Variants in ITCH observed in about 807,000 individuals in gnomAD.
The protein encoded by ITCH is E3 ubiquitin-protein ligase Itchy homolog.
ITCH carries 28 observed loss-of-function variants against 126.8 expected under a neutral mutation model. The observed-to-expected ratio is 0.22, with a 90% CI of 0.16 to 0.30. ITCH has a LOEUF of 0.30. Ranked by LOEUF, ITCH falls within the 10% of genes least tolerant of loss-of-function variation. The pLI is 1.00. For missense variants in ITCH, 631 were observed against 1,032.4 expected (o/e 0.61, Z 5.33); for synonymous variants, 342 against 340.0 (o/e 1.01, Z -0.06).
chr20:34,497,921 T>G (rs1989994896), intron 23 of ITCH, among the ~76,000 whole-genome samples: 1 of 152,238 alleles, frequency 6.6e-6, no homozygotes, highest in Non-Finnish European at 1.5e-5. Context: ...CTGTAGAAAT[T>G]TTTAATAGTA....
At chr20:34,476,954 G>T (rs1362283638) in intron 16 of ITCH, among the ~76,000 whole-genome samples, 1 of 149,878 alleles carries the variant, frequency 6.7e-6, no homozygotes, top group Non-Finnish European at 1.5e-5. Context: ...ATATGAAGAT[G>T]ATCCTATTAA....
intron 2 of ITCH, among the ~76,000 whole-genome samples, chr20:34,379,223 T>C (rs1254196863): frequency 6.6e-6 from 1 of 152,142 alleles, no homozygotes; most frequent in Non-Finnish European, 1.5e-5. Flanking sequence ...ATGGGGTGTG[T>C]TCATTCTGCC....
intron 14 of ITCH, among the ~76,000 whole-genome samples, chr20:34,469,501 G>GC (rs1987415464): frequency 6.6e-6 from 1 of 151,940 alleles, no homozygotes; most frequent in Non-Finnish European, 1.5e-5. Flanking sequence ...TGTTGGTCAG[G>GC]CTGGTCTCAA....
chr20:34,368,086 T>C (rs1480323807), intron 1 of ITCH, among the ~76,000 whole-genome samples: 2 of 152,136 alleles, frequency 1.3e-5, no homozygotes, highest in African/African-American at 4.8e-5. Context: ...CTGGCCAACG[T>C]GGTGAAACCC....
At chr20:34,483,093 A>C (rs1276576741) in intron 20 of ITCH, among the ~76,000 whole-genome samples, 1 of 152,170 alleles carries the variant, frequency 6.6e-6, no homozygotes, top group African/African-American at 2.4e-5. Flanking sequence ...GAGTGCACAC[A>C]GCGTGGGGAC....
At chr20:34,447,301 A>G (rs996214862) in intron 11 of ITCH, among the ~76,000 whole-genome samples, 3 of 152,130 alleles carry the variant, frequency 2.0e-5, no homozygotes, top group Non-Finnish European at 4.4e-5. Flanking sequence ...TTGAAATTAC[A>G]TAGAATCTAA....
intron 1 of ITCH, among the ~76,000 whole-genome samples, chr20:34,365,512 T>G: frequency 6.6e-6 from 1 of 152,080 alleles, no homozygotes. Flanking sequence ...CCTCCCGGGT[T>G]CCAGCAATTC....
rs561908911 is a variant in ITCH at position 34,438,628 on chromosome 20, C to A, written c.676C>A (p.Pro226Thr). 8 of 1,613,856 alleles carry A rather than the reference C, an allele frequency of 5.0e-6. No homozygotes were observed. The highest frequency in any genetic ancestry group is 4.0e-5 in the African/African-American group (3 of 75,028). ...ACCACCACCACCCACCCCACGTAGA[C>A]CAGGTTTGTATTCCAGCTCTCAATA... ...SRPPPPTPRRPASVNGSPSAT... is the reference protein window; with the variant it reads ...SRPPPPTPRRTASVNGSPSAT... The change falls in exon 8 of 25, where the codon CCA becomes ACA. Residue 226 changes from proline (P) to threonine (T), a missense_variant. Coordinates refer to ENST00000374864, the MANE Select transcript of ITCH (RefSeq NM_031483.7).
chr20:34,418,074 C>A (rs1458235800), intron 6 of ITCH, among the ~76,000 whole-genome samples: 1 of 151,414 alleles, frequency 6.6e-6, no homozygotes, highest in African/African-American at 2.4e-5. Context: ...TCAAGTGATC[C>A]TTCCACCTCA....
intron 20 of ITCH, among the ~76,000 whole-genome samples, chr20:34,486,937 C>T (rs1306215935): frequency 1.3e-5 from 2 of 151,876 alleles, no homozygotes; most frequent in South Asian, 4.1e-4. Context: ...CCACCTCAGC[C>T]TCCCAAAGTG....
chr20:34,460,352 CTTT>C (rs749083015), intron 13 of ITCH, among the ~76,000 whole-genome samples: 4 of 108,964 alleles, frequency 3.7e-5, no homozygotes, highest in African/African-American at 7.0e-5. Flanking sequence ...CCACACCCAG[CTTT>C]TTTTTTTTTT....
chr20:34,375,692 TA>T (rs34550934), intron 2 of ITCH, among the ~76,000 whole-genome samples: 306 of 143,412 alleles, frequency 2.1e-3, no homozygotes, highest in South Asian at 3.7e-3. Flanking sequence ...TATTGGTAGT[TA>T]AAATTTTTTT....
At chr20:34,457,046 C>T (rs1395772347) in intron 12 of ITCH, among the ~76,000 whole-genome samples, 1 of 152,012 alleles carries the variant, frequency 6.6e-6, no homozygotes, top group Non-Finnish European at 1.5e-5. Context: ...ATGAATTCAC[C>T]TACCCTATGG....
Position 34,481,225 on chromosome 20 carries a change from A to G in ITCH, c.2093+19A>G, listed in dbSNP as rs1309259839. 1.2e-6 allele frequency: 2 copies of G among 1,612,506 alleles called. No homozygotes were observed. On this transcript the variant is annotated intron_variant, in intron 20 of 24. Transcript: ENST00000374864. ...ACATCAGGTGAGAGTGCTCCTTTTCACATTTCACTTTTTGTTTGACTACAG... is the reference window on the plus strand; with the variant it reads ...ACATCAGGTGAGAGTGCTCCTTTTCGCATTTCACTTTTTGTTTGACTACAG...
chr20:34,456,024 AAGG>A (rs1985869738), intron 12 of ITCH, among the ~76,000 whole-genome samples: 1 of 151,336 alleles, frequency 6.6e-6, no homozygotes, highest in African/African-American at 2.4e-5. Context: ...TGTATTAAGA[AAGG>A]AAGTATTTTT....
chr20:34,408,867 C>G, intron 4 of ITCH, 75 bp downstream of exon 4: 1 of 1,485,660 alleles, frequency 6.7e-7, no homozygotes, highest in South Asian at 1.2e-5. Flanking sequence ...AAAAATGTTT[C>G]TCACTTTGGT....
At chr20:34,471,777 T>TGTGTGTGTGTGTG (rs1987653326) in intron 16 of ITCH, among the ~76,000 whole-genome samples, 1 of 53,832 alleles carries the variant, frequency 1.9e-5, no homozygotes, top group African/African-American at 6.4e-5. Flanking sequence ...GATAATAGGT[T>TGTGTGTGTGTGTG]TGTGTGTGTG....
At chr20:34,453,468 A>G (rs1292751880) in intron 12 of ITCH, among the ~76,000 whole-genome samples, 2 of 152,020 alleles carry the variant, frequency 1.3e-5, no homozygotes, top group African/African-American at 4.8e-5. Flanking sequence ...TGGGTGTGGC[A>G]TGCCTGTAGT....
intron 3 of ITCH, among the ~76,000 whole-genome samples, chr20:34,405,044 T>G (rs2039010700): frequency 7.1e-6 from 1 of 140,964 alleles, no homozygotes; most frequent in African/African-American, 2.7e-5. Flanking sequence ...GAGGCTGAGA[T>G]GGGAGGATGG....
Sources: allele counts gnomAD v4.1 joint callset (sites outside exome capture counted in the v4.1 genomes callset), GRCh38; gene constraint gnomAD v4.1.1; transcripts MANE v1.5; gene names NCBI Gene and HGNC (gene_info 2026-07-23, HGNC 2026-07-21).